Variants in FER observed in about 807,000 individuals in gnomAD.
FER encodes FER tyrosine kinase, also known as tyrosine-protein kinase Fer.
Under a neutral mutation model 111.0 loss-of-function variants are expected in FER, and 63 were observed. The observed-to-expected ratio is 0.57, with a 90% CI of 0.46 to 0.70. The LOEUF is 0.70. Ranked by LOEUF, FER falls within the 30% of genes least tolerant of loss-of-function variation. The pLI is 0.00. For synonymous variants in FER, 327 were observed against 313.9 expected, an observed-to-expected ratio of 1.04 and a Z score of -0.44; for missense variants, 914 against 954.0, an observed-to-expected ratio of 0.96 and a Z score of 0.55.
At chr5:109,076,131 A>G (rs989554606) in intron 16 of FER, among the ~76,000 whole-genome samples, 1 of 152,118 alleles carries the variant, frequency 6.6e-6, no homozygotes, top group African/African-American at 2.4e-5. Flanking sequence ...TTTTATGGCT[A>G]TTCTTTCTAA....
At chr5:108,996,226 A>T (rs1763961130) in intron 13 of FER, among the ~76,000 whole-genome samples, 1 of 152,142 alleles carries the variant, frequency 6.6e-6, no homozygotes, top group South Asian at 2.1e-4. Context: ...GTTCACTCTG[A>T]TGATAGTTTC....
chr5:108,869,447 G>A (rs1226835586), intron 6 of FER, among the ~76,000 whole-genome samples: 1 of 151,620 alleles, frequency 6.6e-6, no homozygotes, highest in Non-Finnish European at 1.5e-5. Flanking sequence ...AACTTATTTG[G>A]AAATAGGGTC....
chr5:108,913,379 AG>A (rs1372495113), intron 10 of FER, among the ~76,000 whole-genome samples: 1 of 152,226 alleles, frequency 6.6e-6, no homozygotes, highest in Non-Finnish European at 1.5e-5. Flanking sequence ...GCTAATGTAT[AG>A]GGGTAAATTA....
chr5:108,804,590 T>G (rs1393922465), intron 3 of FER, among the ~76,000 whole-genome samples: 1 of 152,208 alleles, frequency 6.6e-6, no homozygotes, highest in African/African-American at 2.4e-5. Flanking sequence ...CAATTGAGAT[T>G]ATTATATGGT....
At chr5:108,845,041 C>CATATAT (rs1232663960) in intron 5 of FER, among the ~76,000 whole-genome samples, 11 of 46,418 alleles carry the variant, frequency 2.4e-4, no homozygotes, top group East Asian at 1.0e-3. Flanking sequence ...TATATATATA[C>CATATAT]ATATATATAT....
chr5:108,892,257 G>A (rs1181503944), intron 9 of FER, among the ~76,000 whole-genome samples: 2 of 152,192 alleles, frequency 1.3e-5, no homozygotes, highest in Non-Finnish European at 2.9e-5. Context: ...TTCCACAACA[G>A]TTGAACTAGT....
chr5:109,181,041 A>G, intron 18 of FER, 140 bp downstream of exon 18: 1 of 656,534 alleles, frequency 1.5e-6, no homozygotes, highest in Non-Finnish European at 2.4e-6. Flanking sequence ...TGAATTTCAT[A>G]CTTTTAATTT....
chr5:109,086,661 A>G (rs1777600326), intron 16 of FER, among the ~76,000 whole-genome samples: 1 of 150,980 alleles, frequency 6.6e-6, no homozygotes, highest in Non-Finnish European at 1.5e-5. Flanking sequence ...AAAGCTGTAA[A>G]TTTCCCTCCT....
At chr5:108,907,337 C>T (rs916824012) in intron 10 of FER, among the ~76,000 whole-genome samples, 1 of 151,786 alleles carries the variant, frequency 6.6e-6, no homozygotes, top group Non-Finnish European at 1.5e-5. Context: ...CTCTGTTGCC[C>T]AGGCTGGAGT....
intron 13 of FER, among the ~76,000 whole-genome samples, chr5:108,966,133 G>A (rs1478578094): frequency 6.6e-6 from 1 of 152,064 alleles, no homozygotes; most frequent in African/African-American, 2.4e-5. Flanking sequence ...GCCTACCTCA[G>A]ACTTTCTTAA....
intron 16 of FER, among the ~76,000 whole-genome samples, chr5:109,076,419 G>A (rs1776350383): frequency 6.6e-6 from 1 of 151,892 alleles, no homozygotes; most frequent in South Asian, 2.1e-4. Context: ...ATAGCATTCT[G>A]CTGTAATTTC....
chr5:109,138,225 G>A (rs1248387029), intron 17 of FER, among the ~76,000 whole-genome samples: 1 of 152,172 alleles, frequency 6.6e-6, no homozygotes, highest in Non-Finnish European at 1.5e-5. Flanking sequence ...ATACTTGCCA[G>A]TGTTCAGGAT....
chr5:108,769,985 G>T (rs1752719919), intron 2 of FER, among the ~76,000 whole-genome samples: 1 of 152,042 alleles, frequency 6.6e-6, no homozygotes, highest in Non-Finnish European at 1.5e-5. Context: ...CTTCACTCTT[G>T]TTGCTCAGGT....
At chr5:108,959,876 A>T (rs1356066365) in intron 13 of FER, among the ~76,000 whole-genome samples, 1 of 152,108 alleles carries the variant, frequency 6.6e-6, no homozygotes, top group Non-Finnish European at 1.5e-5. Context: ...TACCTCTATG[A>T]TCTATCACAG....
At chr5:108,834,135 A>T (rs1329448537) in intron 4 of FER, among the ~76,000 whole-genome samples, 1 of 152,144 alleles carries the variant, frequency 6.6e-6, no homozygotes, top group East Asian at 1.9e-4. Context: ...GCTCTATATA[A>T]TTGAATTTTC....
chr5:108,811,678 C>A (rs998471961), intron 3 of FER, among the ~76,000 whole-genome samples: 3 of 152,100 alleles, frequency 2.0e-5, no homozygotes, highest in African/African-American at 7.2e-5. Context: ...ACACGATATG[C>A]TGTCTGCAAG....
chr5:109,031,646 C>A (rs745790896), intron 13 of FER, among the ~76,000 whole-genome samples: 1 of 152,196 alleles, frequency 6.6e-6, no homozygotes, highest in Non-Finnish European at 1.5e-5. Context: ...TTTAAGAAGT[C>A]TTTGCCTTCA....
intron 3 of FER, among the ~76,000 whole-genome samples, chr5:108,799,769 G>A (rs13360598): frequency 0.19 from 29,239 of 151,268 alleles, 3,059 homozygotes; most frequent in African/African-American, 0.27. Context: ...TAATCTTCTT[G>A]TTTTTGGTAA....
intron 13 of FER, among the ~76,000 whole-genome samples, chr5:108,969,328 G>C (rs1760316231): frequency 6.6e-6 from 1 of 152,118 alleles, no homozygotes; most frequent in African/African-American, 2.4e-5. Flanking sequence ...ACCCTATCCA[G>C]TGGAGTACTG....
Sources: allele counts gnomAD v4.1 joint callset (sites outside exome capture counted in the v4.1 genomes callset), GRCh38; gene constraint gnomAD v4.1.1; transcripts MANE v1.5; gene names NCBI Gene and HGNC (gene_info 2026-07-23, HGNC 2026-07-21).